Variants in MAST4 observed in about 807,000 individuals in gnomAD.
The protein encoded by MAST4 is microtubule-associated serine/threonine-protein kinase 4.
A neutral mutation model predicts 162.7 loss-of-function variants in MAST4; 89 were observed. The observed-to-expected ratio is 0.55, with a 90% CI of 0.46 to 0.65. The LOEUF (loss-of-function observed/expected upper bound fraction) is 0.65. MAST4 is among the 30% of genes least tolerant of loss of function. The probability of loss-of-function intolerance (pLI) is 0.00; values close to 1 mark genes in which losing one functional copy is unlikely to be tolerated. For missense variants in MAST4, 3,153 were observed against 3,374.0 expected, an observed-to-expected ratio of 0.93 and a Z score of 1.62; for synonymous variants, 1,479 against 1,361.1, an observed-to-expected ratio of 1.09 and a Z score of -1.91.
chr5:66,737,202 TTGAC>T (rs1752206773), intron 1 of MAST4, among the ~76,000 whole-genome samples: 2 of 152,286 alleles, frequency 1.3e-5, no homozygotes, highest in Non-Finnish European at 2.9e-5. Context: ...CTCTGATGGT[TTGAC>T]TGGGGCTGCA....
intron 4 of MAST4, among the ~76,000 whole-genome samples, chr5:67,022,025 C>T (rs1191954594): frequency 1.3e-5 from 2 of 152,154 alleles, no homozygotes; most frequent in African/African-American, 2.4e-5. Context: ...TCACACATTC[C>T]TCAGTTAGCA....
At chr5:67,102,658 C>T (rs1021729830) in intron 9 of MAST4, 47 bp downstream of exon 9, 5 of 1,468,378 alleles carry the variant, frequency 3.4e-6, no homozygotes, top group East Asian at 4.5e-5. Flanking sequence ...GAACAGGCAC[C>T]ATAGGTTTAG....
At chr5:67,124,848 A>G (rs942921935) in intron 14 of MAST4, among the ~76,000 whole-genome samples, 2 of 152,238 alleles carry the variant, frequency 1.3e-5, no homozygotes, top group East Asian at 1.9e-4. Context: ...ATAGTGCCAC[A>G]GAGAGACCCA....
intron 4 of MAST4, among the ~76,000 whole-genome samples, chr5:67,030,527 G>A (rs953530315): frequency 6.6e-6 from 1 of 152,100 alleles, no homozygotes; most frequent in African/African-American, 2.4e-5. Flanking sequence ...TTTCATTTCT[G>A]TACATCACCA....
rs1773651024 is a variant in MAST4 at position 67,164,655 on chromosome 5, G to A, written c.5476G>A (p.Ala1826Thr). Residue 1826 changes from alanine (A) to threonine (T), a missense_variant, in exon 29 of 29, where the codon GCA becomes ACA. Transcript: ENST00000403625. This position sits in a 1 kb window ranked among gnomAD's most constrained non-coding sequence, Gnocchi z 5.3. ...SKTELPSPES[A>T]QSPSPSGDVR... ...GACAGAACTGCCTTCCCCAGAGTCT[G>A]CACAGAGCCCCAGCCCAAGTGGTGA... 1 of 1,613,842 alleles carries A rather than the reference G, an allele frequency of 6.2e-7. No individual in the cohort carries two copies. Among genetic ancestry groups the A allele is most frequent in the Admixed American group, 1.7e-5 (1 of 60,010 alleles).
At position 66,847,820 on chromosome 5, in the gene MAST4, C is replaced by CAAAAAAAAAAAAAAAAAAAAAA. The variant is rs777825639; in HGVS notation, c.643-52129_643-52108dup. 4.4e-4 allele frequency among the ~76,000 whole-genome samples: 24 copies of CAAAAAAAAAAAAAAAAAAAAAA among 54,146 alleles called. 1 individual carries two copies. Among genetic ancestry groups the CAAAAAAAAAAAAAAAAAAAAAA allele is most frequent in the African/African-American group, 1.9e-3 (22 of 11,490 alleles). The allele number at this position is 54,146 out of a possible 152,430, so 35.5% of individuals were successfully genotyped here. On this transcript the variant is annotated intron_variant, in intron 3 of 28. Transcript: ENST00000403625. ...TGGGTGCTGGAACAAGACTCCTTCT[C>CAAAAAAAAAAAAAAAAAAAAAA]AAAAAAAAAAAAAAAAAAAAAAAGA...
rs767963005 is a variant in MAST4, at chr5:66,887,051, TAAAAAC to T, written c.643-12887_643-12882del. Among the ~76,000 whole-genome samples, 161 of 152,174 alleles carry T rather than the reference TAAAAAC, an allele frequency of 1.1e-3. 1 individual carries two copies. Among genetic ancestry groups the T allele is most frequent in the African/African-American group, 3.7e-3 (155 of 41,502 alleles). On this transcript the variant is annotated intron_variant, in intron 3 of 28. Transcript: ENST00000403625. ...CTTTTATTGCTTTTGATGCTTTTTT[TAAAAAC>T]AAAAACAAAAACGAAACAAAACAAA... is the stretch of plus-strand genomic sequence containing the variant.
chr5:66,910,878 G>A (rs1356002255), intron 4 of MAST4, among the ~76,000 whole-genome samples: 2 of 151,646 alleles, frequency 1.3e-5, no homozygotes, highest in African/African-American at 2.4e-5. Context: ...CTCCCAAGTA[G>A]CTGGGACTAC....
At chr5:67,058,157 C>T (rs1002315490) in intron 5 of MAST4, among the ~76,000 whole-genome samples, 15 of 152,216 alleles carry the variant, frequency 9.9e-5, no homozygotes, top group African/African-American at 3.4e-4. Context: ...ATCGCCTGAG[C>T]TGGGGAGATC....
intron 4 of MAST4, among the ~76,000 whole-genome samples, chr5:66,926,236 G>T (rs1434709611): frequency 6.6e-6 from 1 of 152,100 alleles, no homozygotes; most frequent in Non-Finnish European, 1.5e-5. Flanking sequence ...ATAGATATCA[G>T]CTGATAGGAA....
rs112432466 is a variant in MAST4, at chr5:67,089,996, C to T, written c.764-166C>T. Among the ~76,000 whole-genome samples, 9 of 152,152 alleles carry T rather than the reference C, an allele frequency of 5.9e-5. 3 individuals are homozygous for T. The highest frequency in any genetic ancestry group is 2.2e-4 in the African/African-American group (9 of 41,494). On this transcript the variant is annotated intron_variant, in intron 5 of 28. Transcript: ENST00000403625. The stretch of plus-strand genomic sequence containing the variant: ...CATGCTCCCCCATCCCCATCTCCTC[C>T]CCACCGCCCACCCCACCATCCCTGG...
intron 24 of MAST4, among the ~76,000 whole-genome samples, chr5:67,150,861 G>A (rs1373061384): frequency 6.6e-6 from 1 of 152,162 alleles, no homozygotes; most frequent in Non-Finnish European, 1.5e-5. Flanking sequence ...GATGCTACAT[G>A]AAGTCAGAGA....
At chr5:67,019,633 T>TACCA in intron 4 of MAST4, among the ~76,000 whole-genome samples, 1 of 152,236 alleles carries the variant, frequency 6.6e-6, no homozygotes, top group South Asian at 2.1e-4. Context: ...ATTATTTAAT[T>TACCA]TTCAGACATA....
intron 4 of MAST4, chr5:66,964,033 T>C (rs557245825): frequency 1.2e-5 from 8 of 654,440 alleles, no homozygotes; most frequent in Non-Finnish European, 2.3e-5. Flanking sequence ...TCATTTTGCT[T>C]TCTTAGGGAA....
chr5:66,722,624 G>A (rs1751287361), intron 1 of MAST4, among the ~76,000 whole-genome samples: 1 of 152,118 alleles, frequency 6.6e-6, no homozygotes, highest in African/African-American at 2.4e-5. Flanking sequence ...AACATTGAGG[G>A]AACTCAATGA....
chr5:66,780,584 G>A (rs962982699), intron 2 of MAST4, among the ~76,000 whole-genome samples: 2 of 152,200 alleles, frequency 1.3e-5, no homozygotes, highest in Admixed American at 1.3e-4. Flanking sequence ...ATTGTGAAGA[G>A]TGAAAGAACA....
chr5:66,749,074 T>C (rs1752968973), intron 1 of MAST4, among the ~76,000 whole-genome samples: 1 of 151,996 alleles, frequency 6.6e-6, no homozygotes, highest in African/African-American at 2.4e-5. Flanking sequence ...GCCAGTTAAA[T>C]AGAGCTGCTG....
At chr5:66,872,590 G>C (rs913264616) in intron 3 of MAST4, among the ~76,000 whole-genome samples, 2 of 152,156 alleles carry the variant, frequency 1.3e-5, no homozygotes, top group Non-Finnish European at 2.9e-5. Flanking sequence ...CCTTCCCGCC[G>C]AGCCGCAGAC....
intron 10 of MAST4, among the ~76,000 whole-genome samples, chr5:67,109,172 T>G (rs1162001712): frequency 6.6e-6 from 1 of 152,184 alleles, no homozygotes; most frequent in Admixed American, 6.5e-5. Context: ...AAGTTAAATT[T>G]TACTAAGTTA....
Sources: gnomAD v4.1 joint callset for allele counts (sites outside exome capture counted in the v4.1 genomes callset) on GRCh38, gnomAD v4.1.1 for gene constraint, Gnocchi (gnomAD v3.1) non-coding constraint, MANE v1.5 for transcripts, NCBI Gene and HGNC (gene_info 2026-07-23, HGNC 2026-07-21) for gene names.